LAMA1: variants seen among roughly 807,000 people sequenced by gnomAD.
LAMA1 encodes laminin subunit alpha-1.
Under a neutral mutation model 348.7 loss-of-function variants are expected in LAMA1, and 219 were observed. The observed-to-expected ratio is 0.63, with a 90% CI of 0.56 to 0.70. LAMA1 has a LOEUF of 0.70. Among genes scored for constraint, LAMA1 ranks in the 30% least tolerant of loss-of-function variants. The probability of loss-of-function intolerance (pLI) is 0.00; values close to 1 mark genes in which losing one functional copy is unlikely to be tolerated. For missense variants in LAMA1, 3,744 were observed against 3,888.0 expected, an observed-to-expected ratio of 0.96 and a Z score of 0.99; for synonymous variants, 1,487 against 1,491.0, an observed-to-expected ratio of 1.00 and a Z score of 0.06.
At chr18:6,989,788 C>G (rs2144067868) in intron 36 of LAMA1, among the ~76,000 whole-genome samples, 1 of 152,296 alleles carries the variant, frequency 6.6e-6, no homozygotes, top group East Asian at 1.9e-4. Flanking sequence ...ACTCTGGAGG[C>G]AGTGCCCCAG....
At chr18:6,953,798 G>A (rs764708960) in intron 57 of LAMA1, 1 of 152,312 alleles carries the variant, frequency 6.6e-6, no homozygotes, top group African/African-American at 2.4e-5. Context: ...CACTGCTGAC[G>A]ATGGGGTGAC....
At chr18:7,095,896 G>A (rs935766188) in intron 1 of LAMA1, among the ~76,000 whole-genome samples, 1 of 152,070 alleles carries the variant, frequency 6.6e-6, no homozygotes, top group Non-Finnish European at 1.5e-5. Context: ...GTGAAACCCC[G>A]TCTCTACTAA....
At chr18:7,022,830 C>T (rs1321019635) in intron 19 of LAMA1, among the ~76,000 whole-genome samples, 4 of 152,170 alleles carry the variant, frequency 2.6e-5, no homozygotes, top group African/African-American at 7.2e-5. Context: ...ATCTCCCTTA[C>T]GAATGTGACA....
chr18:7,008,751 G>T, intron 27 of LAMA1, 143 bp from the exon 28 acceptor site: 1 of 945,560 alleles, frequency 1.1e-6, no homozygotes, highest in Non-Finnish European at 1.7e-6. Flanking sequence ...GATTGTAAGT[G>T]AAGTGTGTTA....
intron 42 of LAMA1, among the ~76,000 whole-genome samples, chr18:6,980,101 T>C (rs1048137747): frequency 4.6e-5 from 7 of 152,176 alleles, no homozygotes; most frequent in African/African-American, 2.4e-5. Flanking sequence ...ACTGCCTCAC[T>C]GAGGAAGATG....
rs745499241 is a variant in LAMA1, at chr18:6,985,280, C to T, written c.5617G>A (p.Asp1873Asn). 4 of 1,614,194 alleles carry T rather than the reference C, an allele frequency of 2.5e-6. No homozygotes were observed. The highest frequency in any genetic ancestry group is 2.5e-6 in the Non-Finnish European group (3 of 1,180,034). Residue 1873 changes from aspartate (D) to asparagine (N), a missense_variant, in exon 39 of 63, where the codon GAC becomes AAC. Asp to Asn is a conservative substitution (Grantham distance 23). Transcript: ENST00000389658. Reference protein sequence around the residue: ...NAVDLVYRAEDHAAEFQRLAD... With the variant: ...NAVDLVYRAENHAAEFQRLAD... The stretch of plus-strand genomic sequence containing the variant: ...AGTCTCTGGAACTCAGCGGCATGGT[C>T]CTCAGCTCTGTAGACCAGGTCGACT...
intron 29 of LAMA1, among the ~76,000 whole-genome samples, chr18:7,004,579 C>T (rs982427047): frequency 1.7e-4 from 26 of 152,118 alleles, no homozygotes; most frequent in Admixed American, 9.2e-4. Flanking sequence ...CTCAAACTCC[C>T]AGCCCCAGGT....
At chr18:6,993,500 A>G in intron 35 of LAMA1, 141 bp downstream of exon 35, 1 of 732,456 alleles carries the variant, frequency 1.4e-6, no homozygotes, top group East Asian at 2.5e-5. Flanking sequence ...TGCACATCTC[A>G]GGATCCCCAA....
intron 32 of LAMA1, among the ~76,000 whole-genome samples, chr18:6,998,255 G>T (rs760229504): frequency 6.6e-6 from 1 of 152,156 alleles, no homozygotes; most frequent in East Asian, 1.9e-4. Context: ...AACAGCAGGG[G>T]GAAGAGGGGT....
At chr18:6,982,160 C>T (rs1216522559) in intron 41 of LAMA1, among the ~76,000 whole-genome samples, 2 of 152,074 alleles carry the variant, frequency 1.3e-5, no homozygotes, top group South Asian at 2.1e-4. Context: ...ACTAGAGGAG[C>T]ACACGCAATC....
chr18:7,038,848 AAACGC>A lies in LAMA1; in HGVS notation c.1520_1524del (p.Gly507ValfsTer2). 1 of 1,614,226 alleles carries A rather than the reference AAACGC, an allele frequency of 6.2e-7. No individual in the cohort carries two copies. The highest frequency in any genetic ancestry group is 2.2e-5 in the East Asian group (1 of 44,880). On this transcript the variant is annotated frameshift_variant, in exon 11 of 63. Transcript: ENST00000389658. LOFTEE classifies it high-confidence loss of function. Reference sequence around the variant, plus strand: ...CAAGAGAGGCTGCTGCAGACATCAGAAACGCCAAAGCAGAAGCACTCGGAGCAGCC... The same window carrying A: ...CAAGAGAGGCTGCTGCAGACATCAGACAAAGCAGAAGCACTCGGAGCAGCC...
intron 7 of LAMA1, among the ~76,000 whole-genome samples, chr18:7,044,162 C>CA (rs60402984): frequency 0.086 from 3,330 of 38,664 alleles, 247 homozygotes; most frequent in African/African-American, 0.14. Context: ...GACTCCATCT[C>CA]AAAAAAAAAA....
chr18:7,054,510 A>G (rs1034531967), intron 3 of LAMA1, among the ~76,000 whole-genome samples: 1 of 152,224 alleles, frequency 6.6e-6, no homozygotes, highest in Non-Finnish European at 1.5e-5. Flanking sequence ...GTGAACTGCT[A>G]CTGACTGCAG....
intron 30 of LAMA1, among the ~76,000 whole-genome samples, chr18:7,001,394 A>G (rs2057807103): frequency 6.6e-6 from 1 of 152,198 alleles, no homozygotes; most frequent in South Asian, 2.1e-4. Flanking sequence ...TTTCTATAGC[A>G]CAGACTACAG....
intron 57 of LAMA1, chr18:6,954,967 T>A: frequency 1.2e-5 from 4 of 330,744 alleles, no homozygotes; most frequent in South Asian, 2.6e-5. Flanking sequence ...ACTCGGGATT[T>A]TGGCCACCAC....
chr18:7,099,290 A>G (rs1160452967), intron 1 of LAMA1, among the ~76,000 whole-genome samples: 1 of 150,380 alleles, frequency 6.6e-6, no homozygotes, highest in African/African-American at 2.5e-5. Flanking sequence ...AAGAGTCATC[A>G]CCACTCCCTA....
chr18:7,024,008 G>T (rs1312407764), intron 18 of LAMA1, among the ~76,000 whole-genome samples: 4 of 148,168 alleles, frequency 2.7e-5, no homozygotes, highest in African/African-American at 9.9e-5. Flanking sequence ...CCGGCCTTTT[G>T]TTTTTTTTTT....
At chr18:7,033,231 C>T (rs540604266) in intron 14 of LAMA1, 136 bp from the exon 15 acceptor site, 57 of 687,606 alleles carry the variant, frequency 8.3e-5, no homozygotes, top group African/African-American at 7.4e-4. Context: ...CTTTGGGAGG[C>T]CAAGGTGGGT....
At chr18:6,985,121 G>C in intron 39 of LAMA1, 116 bp downstream of exon 39, 2 of 1,213,782 alleles carry the variant, frequency 1.6e-6, no homozygotes, top group Non-Finnish European at 2.4e-6. Context: ...AATAAAACAG[G>C]AGTGCTCATT....
Sources: allele counts gnomAD v4.1 joint callset (sites outside exome capture counted in the v4.1 genomes callset), GRCh38; gene constraint gnomAD v4.1.1; transcripts MANE v1.5; gene names NCBI Gene and HGNC (gene_info 2026-07-23, HGNC 2026-07-21).